The following MCCC1 variants were observed in gnomAD, a reference collection of about 807,000 sequenced individuals.
MCCC1 encodes the protein methylcrotonoyl-CoA carboxylase subunit alpha, mitochondrial.
In MCCC1, 64 loss-of-function variants were observed where a neutral mutation model predicts 83.8. The ratio of observed to expected loss-of-function variants is 0.76; its 90% CI spans 0.62 to 0.94. The LOEUF (loss-of-function observed/expected upper bound fraction) is 0.94. Ranked by LOEUF, MCCC1 falls within the 40% of genes least tolerant of loss-of-function variation. MCCC1 has a pLI of 0.00. For synonymous variants in MCCC1, 322 were observed against 315.4 expected, an observed-to-expected ratio of 1.02 and a Z score of -0.22; for missense variants, 807 against 904.7, an observed-to-expected ratio of 0.89 and a Z score of 1.39.
intron 1 of MCCC1, among the ~76,000 whole-genome samples, chr3:183,104,640 G>A (rs982419222): frequency 2.6e-5 from 4 of 152,138 alleles, no homozygotes; most frequent in Non-Finnish European, 5.9e-5. Context: ...AAAAAGATCT[G>A]TAATGAAAGA....
intron 4 of MCCC1, among the ~76,000 whole-genome samples, chr3:183,079,373 C>T (rs1047729302): frequency 6.6e-6 from 1 of 152,094 alleles, no homozygotes; most frequent in African/African-American, 2.4e-5. Context: ...AAGATATTGG[C>T]CAAAATAAAA....
At chr3:183,090,884 A>C in intron 3 of MCCC1, 1 of 426,150 alleles carries the variant, frequency 2.3e-6, no homozygotes. Flanking sequence ...CACTGCGCCC[A>C]GCCGGGAAAA....
intron 4 of MCCC1, among the ~76,000 whole-genome samples, chr3:183,078,667 G>T (rs145982865): frequency 6.6e-6 from 1 of 151,968 alleles, no homozygotes; most frequent in Admixed American, 6.6e-5. Flanking sequence ...TTTCATTTCC[G>T]GAGTGTTTGT....
chr3:183,030,205 G>A (rs1712937760), intron 14 of MCCC1, among the ~76,000 whole-genome samples: 1 of 152,174 alleles, frequency 6.6e-6, no homozygotes, highest in African/African-American at 2.4e-5. Context: ...CTACTTGGGA[G>A]GCTGAGGCAG....
intron 7 of MCCC1, among the ~76,000 whole-genome samples, chr3:183,066,162 T>C (rs1219871927): frequency 6.6e-6 from 1 of 152,170 alleles, no homozygotes; most frequent in African/African-American, 2.4e-5. Flanking sequence ...TCAGTATAAT[T>C]ATAACTGTTA....
rs190766401 is a variant in MCCC1, at chr3:183,032,775, G to A, written c.1681+1216C>T. ...TGTAGTCTCAGATACTCGGGAGGCT[G>A]AGGCATGAGAATGGCACGAACCCAG... On this transcript the variant is annotated intron_variant, in intron 14 of 18. Transcript: ENST00000265594. Among the ~76,000 whole-genome samples the A allele has an allele frequency of 6.6e-4, 101 of 152,048 alleles. 2 individuals carry two copies. The East Asian group carries it at 0.019, about 28-fold the overall frequency.
chr3:183,113,739 T>C (rs1232973379), intron 1 of MCCC1, among the ~76,000 whole-genome samples: 4 of 151,868 alleles, frequency 2.6e-5, no homozygotes, highest in Non-Finnish European at 5.9e-5. Context: ...AAAGGGTCCT[T>C]TATAATAAAC....
At chr3:183,070,968 A>T in intron 7 of MCCC1, 31 bp downstream of exon 7, 1 of 1,602,444 alleles carries the variant, frequency 6.2e-7, no homozygotes, top group Non-Finnish European at 8.5e-7. Context: ...TAATTTTTAA[A>T]CTCTGAGTCA....
At chr3:183,038,939 G>C in intron 12 of MCCC1, 87 bp downstream of exon 12, 1 of 1,189,030 alleles carries the variant, frequency 8.4e-7, no homozygotes, top group East Asian at 2.3e-5. Context: ...ATATGCTGAC[G>C]AGACCAAGGC....
intron 3 of MCCC1, among the ~76,000 whole-genome samples, chr3:183,089,290 G>A (rs1399145673): frequency 1.3e-5 from 2 of 152,174 alleles, no homozygotes; most frequent in Non-Finnish European, 2.9e-5. Flanking sequence ...ATTGTTGGCT[G>A]GGGGTGGGGG....
chr3:183,109,631 C>T (rs1427524266), intron 1 of MCCC1, among the ~76,000 whole-genome samples: 1 of 151,924 alleles, frequency 6.6e-6, no homozygotes, highest in African/African-American at 2.4e-5. Flanking sequence ...AAATATGTAC[C>T]ACATTTTCTT....
intron 7 of MCCC1, among the ~76,000 whole-genome samples, chr3:183,061,305 T>A (rs187179227): frequency 6.6e-6 from 1 of 152,172 alleles, no homozygotes; most frequent in African/African-American, 2.4e-5. Context: ...GGGGTTGTGG[T>A]TGGCTAACTA....
At chr3:183,065,806 C>T (rs906136253) in intron 7 of MCCC1, among the ~76,000 whole-genome samples, 3 of 152,148 alleles carry the variant, frequency 2.0e-5, no homozygotes, top group African/African-American at 7.2e-5. Flanking sequence ...GTAAATTGAA[C>T]ATTGGAATAA....
intron 7 of MCCC1, among the ~76,000 whole-genome samples, chr3:183,065,712 G>A (rs1716208120): frequency 6.6e-6 from 1 of 152,168 alleles, no homozygotes; most frequent in Non-Finnish European, 1.5e-5. Context: ...GCAAGTTGTG[G>A]AAGGTTTGTA....
chr3:183,058,012 AATG>A (rs1715550895), intron 7 of MCCC1, among the ~76,000 whole-genome samples: 5 of 152,260 alleles, frequency 3.3e-5, no homozygotes, highest in African/African-American at 9.6e-5. Context: ...TGAATGAATG[AATG>A]AATAAATATT....
Position 183,052,169 on chromosome 3 carries a change from AT to A in MCCC1, c.944del (p.Tyr315LeufsTer22). On this transcript the variant is annotated frameshift_variant, in exon 9 of 19. Coordinates refer to ENST00000265594, the MANE Select transcript of MCCC1 (RefSeq NM_020166.5). LOFTEE classifies it high-confidence loss of function. ...CAAATCTTAACCTACCTGCTCCAAC[AT>A]AATTTACAGCTTTAGCAGCTCTGAC... The part of the protein sequence containing the change: ...AAVRAAKAVN[Y>X]VGAGTVEFIM... 6.2e-7 allele frequency: 1 copy of A among 1,614,102 alleles called. No individual in the cohort carries two copies. The highest frequency in any genetic ancestry group is 8.5e-7 in the Non-Finnish European group (1 of 1,179,968).
intron 13 of MCCC1, among the ~76,000 whole-genome samples, chr3:183,036,358 C>T (rs770926205): frequency 2.0e-5 from 3 of 151,894 alleles, no homozygotes; most frequent in Admixed American, 6.6e-5. Context: ...CATGGGTAAC[C>T]CTGGGGAATC....
At chr3:183,092,844 T>C (rs903648309) in intron 2 of MCCC1, among the ~76,000 whole-genome samples, 3 of 152,184 alleles carry the variant, frequency 2.0e-5, no homozygotes, top group Admixed American at 2.0e-4. Context: ...ATTATAATAG[T>C]GTTAAATTAT....
chr3:183,046,590 G>A (rs1714575828), intron 9 of MCCC1, among the ~76,000 whole-genome samples: 1 of 151,936 alleles, frequency 6.6e-6, no homozygotes, highest in African/African-American at 2.4e-5. Context: ...AGTAGAGATG[G>A]GGTTTCACCA....
Sources: allele counts gnomAD v4.1 joint callset (sites outside exome capture counted in the v4.1 genomes callset), GRCh38; gene constraint gnomAD v4.1.1; transcripts MANE v1.5; gene names NCBI Gene and HGNC (gene_info 2026-07-23, HGNC 2026-07-21).